Variants in ABCA6 observed in about 807,000 individuals in gnomAD.
ABCA6 encodes ATP-binding cassette sub-family A member 6.
In ABCA6, 164 loss-of-function variants were observed where a neutral mutation model predicts 191.2. That is an observed-to-expected ratio of 0.86 (90% CI 0.76 to 0.98). ABCA6 has a LOEUF of 0.98. Among genes scored for constraint, ABCA6 ranks in the 50% least tolerant of loss-of-function variants. ABCA6 has a pLI of 0.00. For missense variants in ABCA6, 1,958 were observed against 1,894.1 expected (o/e 1.03, Z -0.63); for synonymous variants, 636 against 647.7 (o/e 0.98, Z 0.27).
At chr17:69,111,083 G>A in intron 16 of ABCA6, 143 bp from the exon 17 acceptor site, 1 of 690,476 alleles carries the variant, frequency 1.4e-6, no homozygotes, top group Non-Finnish European at 2.2e-6. Flanking sequence ...TAACATGATA[G>A]TAATCTATCA....
chr17:69,123,454 A>G lies in ABCA6; in HGVS notation c.1268-47T>C, dbSNP rs765155564. On this transcript the variant is annotated intron_variant, in intron 9 of 38. Transcript: ENST00000284425. ...AAATATGATCAGTAATAGTAAAAGA[A>G]TGCGCAAAGAAGCCTTGCTAACAAC... 6.2e-6 allele frequency: 8 copies of G among 1,287,386 alleles called. No homozygotes were observed. The Admixed American group carries it at 1.1e-4, about 17-fold the overall frequency. The allele number at this position is 1,287,386 out of a possible 1,614,324, so 79.7% of individuals were successfully genotyped here. A position where few individuals can be genotyped will look rare whatever the true frequency, so the allele number is the denominator to read the frequency against.
chr17:69,089,371 C>A, intron 27 of ABCA6, 94 bp downstream of exon 27: 1 of 1,208,894 alleles, frequency 8.3e-7, no homozygotes, highest in Non-Finnish European at 1.2e-6. Context: ...TATAAAAACA[C>A]TTTCAAAATG....
intron 6 of ABCA6, among the ~76,000 whole-genome samples, chr17:69,130,365 C>T (rs2073840741): frequency 6.6e-6 from 1 of 151,824 alleles, no homozygotes; most frequent in Admixed American, 6.6e-5. Flanking sequence ...GTAAGCACAG[C>T]TGGGCCATTG....
At chr17:69,113,583 G>C (rs192817659) in intron 14 of ABCA6, 35 bp downstream of exon 14, 1 of 1,612,072 alleles carries the variant, frequency 6.2e-7, no homozygotes. Flanking sequence ...GCAGACATTC[G>C]ACCTGCTTCC....
At chr17:69,088,083 T>A in intron 28 of ABCA6, 84 bp downstream of exon 28, 1 of 1,177,624 alleles carries the variant, frequency 8.5e-7, no homozygotes, top group Non-Finnish European at 1.2e-6. Context: ...TAAATGTAAA[T>A]CTGTATTAAC....
intron 25 of ABCA6, among the ~76,000 whole-genome samples, chr17:69,091,812 G>A (rs1436627404): frequency 6.6e-6 from 1 of 151,314 alleles, no homozygotes; most frequent in Admixed American, 6.6e-5. Context: ...GTGAGCCACC[G>A]CGCCCGGCCC....
intron 21 of ABCA6, among the ~76,000 whole-genome samples, chr17:69,102,377 G>T (rs2073200718): frequency 6.6e-6 from 1 of 152,102 alleles, no homozygotes; most frequent in Non-Finnish European, 1.5e-5. Flanking sequence ...GTTCTCTAAT[G>T]AATCTCTATG....
intron 37 of ABCA6, among the ~76,000 whole-genome samples, chr17:69,080,026 G>C (rs1026411459): frequency 6.6e-6 from 1 of 152,178 alleles, no homozygotes; most frequent in Non-Finnish European, 1.5e-5. Context: ...GGAGGAAGAA[G>C]CCTGGATGTT....
chr17:69,136,895 G>A (rs1402129333), intron 3 of ABCA6, among the ~76,000 whole-genome samples: 1 of 152,078 alleles, frequency 6.6e-6, no homozygotes, highest in Non-Finnish European at 1.5e-5. Context: ...TCAAAGTTAT[G>A]AAATTATTGT....
At chr17:69,098,528 G>A (rs1466777471) in intron 22 of ABCA6, 2 of 149,768 alleles carry the variant, frequency 1.3e-5, no homozygotes, top group Admixed American at 6.8e-5. Flanking sequence ...GGGAGGCTGA[G>A]GCAGGAGAAT....
At chr17:69,087,278 C>T in intron 29 of ABCA6, 75 bp downstream of exon 29, 3 of 1,558,726 alleles carry the variant, frequency 1.9e-6, no homozygotes, top group Non-Finnish European at 8.7e-7. Flanking sequence ...AAAATGAAAC[C>T]CAGTGTATCA....
At chr17:69,118,082 C>A in intron 10 of ABCA6, 126 bp from the exon 11 acceptor site, 1 of 574,522 alleles carries the variant, frequency 1.7e-6, no homozygotes, top group Non-Finnish European at 3.1e-6. Context: ...ATGGCATAAA[C>A]AGTCTATTCA....
At chr17:69,130,953 T>C (rs2073851170) in intron 6 of ABCA6, among the ~76,000 whole-genome samples, 1 of 152,214 alleles carries the variant, frequency 6.6e-6, no homozygotes, top group Non-Finnish European at 1.5e-5. Context: ...ATTTGCACGA[T>C]TTTGCTTTAG....
intron 20 of ABCA6, 71 bp downstream of exon 20, chr17:69,105,391 C>A (rs2073274526): frequency 5.7e-6 from 8 of 1,400,544 alleles, no homozygotes; most frequent in Non-Finnish European, 6.8e-6. Flanking sequence ...TCACTTCCCC[C>A]CCCCACCTCC....
intron 29 of ABCA6, among the ~76,000 whole-genome samples, chr17:69,087,106 A>G (rs767622085): frequency 2.6e-5 from 4 of 152,222 alleles, no homozygotes; most frequent in Admixed American, 2.0e-4. Context: ...AGCCCTAATT[A>G]TGAAAGCCCA....
At chr17:69,117,287 A>T (rs2073554942) in intron 11 of ABCA6, among the ~76,000 whole-genome samples, 1 of 152,022 alleles carries the variant, frequency 6.6e-6, no homozygotes, top group Non-Finnish European at 1.5e-5. Flanking sequence ...TCTGTCTTTT[A>T]TAAAAATCAT....
intron 36 of ABCA6, among the ~76,000 whole-genome samples, chr17:69,082,543 G>A (rs4968833): frequency 0.53 from 80,277 of 151,954 alleles, 23,049 homozygotes; most frequent in Non-Finnish European, 0.66. Flanking sequence ...TATGTTAAGC[G>A]TTTATGAGGA....
At chr17:69,086,961 C>T (rs1157718449) in intron 29 of ABCA6, among the ~76,000 whole-genome samples, 2 of 152,152 alleles carry the variant, frequency 1.3e-5, no homozygotes, top group Non-Finnish European at 2.9e-5. Context: ...GGGTGGCTAA[C>T]CTCATGGAAC....
chr17:69,101,027 CTTG>C, intron 21 of ABCA6, 93 bp from the exon 22 acceptor site: 5 of 1,067,648 alleles, frequency 4.7e-6, no homozygotes, highest in Non-Finnish European at 6.7e-6. Context: ...GTGCCACATG[CTTG>C]TTGTGTGTCC....
Sources: gnomAD v4.1 joint callset for allele counts (sites outside exome capture counted in the v4.1 genomes callset) on GRCh38, gnomAD v4.1.1 for gene constraint, MANE v1.5 for transcripts, NCBI Gene and HGNC (gene_info 2026-07-23, HGNC 2026-07-21) for gene names.